The following PARD3 variants were observed in gnomAD, a reference collection of about 807,000 sequenced individuals.
PARD3 encodes the protein par-3 family cell polarity regulator.
PARD3 carries 75 observed loss-of-function variants against 155.4 expected under a neutral mutation model. The ratio of observed to expected loss-of-function variants is 0.48; its 90% CI spans 0.40 to 0.58. The LOEUF (loss-of-function observed/expected upper bound fraction) is 0.58. Ranked by LOEUF, PARD3 falls within the 20% of genes least tolerant of loss-of-function variation. The pLI, the probability that PARD3 is intolerant of heterozygous loss-of-function variation, is 0.00. For synonymous variants in PARD3, 576 were observed against 610.5 expected (o/e 0.94, Z 0.83); for missense variants, 1,642 against 1,721.7 (o/e 0.95, Z 0.82).
chr10:34,601,678 A>G (rs1267756165), intron 2 of PARD3, among the ~76,000 whole-genome samples: 1 of 152,220 alleles, frequency 6.6e-6, no homozygotes, highest in African/African-American at 2.4e-5. Flanking sequence ...TGTTTCTCCA[A>G]TCCCTGTGGC....
rs1316806227 is a variant in PARD3 at position 34,624,194 on chromosome 10, A to G, written c.222+72124T>C. ...ATGACTGCATGCGTCTCCCACGCTA[A>G]TATCTGTGACCTTGTTCTAAGCAGG... On this transcript the variant is annotated intron_variant, in intron 2 of 24. Coordinates refer to ENST00000374788, the MANE Select transcript of PARD3 (RefSeq NM_001184785.2). Among the ~76,000 whole-genome samples, 4 of 152,338 alleles carry G rather than the reference A, an allele frequency of 2.6e-5. No homozygotes were observed. The South Asian group carries it at 8.3e-4, about 32-fold the overall frequency.
intron 1 of PARD3, among the ~76,000 whole-genome samples, chr10:34,734,502 A>T (rs1397635259): frequency 6.6e-6 from 1 of 151,848 alleles, no homozygotes; most frequent in Non-Finnish European, 1.5e-5. Flanking sequence ...TGCCCGGCTA[A>T]TATTTTTTTG....
At chr10:34,663,470 A>C (rs2093377025) in intron 2 of PARD3, among the ~76,000 whole-genome samples, 1 of 152,190 alleles carries the variant, frequency 6.6e-6, no homozygotes. Context: ...CACGAAGGAT[A>C]AATGCTTGGG....
chr10:34,644,872 G>T (rs2092788820), intron 2 of PARD3, among the ~76,000 whole-genome samples: 1 of 152,134 alleles, frequency 6.6e-6, no homozygotes, highest in African/African-American at 2.4e-5. Flanking sequence ...ATTTATTTTA[G>T]AAATAGGGTC....
chr10:34,217,792 A>G (rs1209081927), intron 22 of PARD3, among the ~76,000 whole-genome samples: 7 of 152,340 alleles, frequency 4.6e-5, no homozygotes, highest in Admixed American at 2.6e-4. Flanking sequence ...TCTAGGTACT[A>G]GGAACACAAT....
intron 22 of PARD3, among the ~76,000 whole-genome samples, chr10:34,245,311 G>A (rs891735162): frequency 6.6e-6 from 1 of 152,150 alleles, no homozygotes; most frequent in Non-Finnish European, 1.5e-5. Flanking sequence ...ACGCAATATG[G>A]GATGGGAAAG....
At chr10:34,804,035 G>GTTTTTT (rs373473801) in intron 1 of PARD3, among the ~76,000 whole-genome samples, 4 of 136,894 alleles carry the variant, frequency 2.9e-5, no homozygotes, top group Non-Finnish European at 4.8e-5. Flanking sequence ...ATTTGTTTTT[G>GTTTTTT]TTTTTTTTTT....
chr10:34,345,216 T>A (rs935526071), intron 15 of PARD3: 1 of 984,176 alleles, frequency 1.0e-6, no homozygotes, highest in African/African-American at 1.7e-5. Context: ...AATGGGAAAG[T>A]GTGACTGATG....
At chr10:34,217,939 C>T (rs1952084215) in intron 22 of PARD3, among the ~76,000 whole-genome samples, 2 of 152,130 alleles carry the variant, frequency 1.3e-5, no homozygotes, top group South Asian at 4.1e-4. Context: ...TGAAGAGTGA[C>T]AGTGGGAACT....
At chr10:34,702,598 A>G (rs556994000) in intron 1 of PARD3, among the ~76,000 whole-genome samples, 1 of 152,262 alleles carries the variant, frequency 6.6e-6, no homozygotes, top group East Asian at 1.9e-4. Context: ...AGCCAAGTGA[A>G]TATTTACGTA....
chr10:34,716,954 T>A (rs2094530891), intron 1 of PARD3, among the ~76,000 whole-genome samples: 1 of 151,920 alleles, frequency 6.6e-6, no homozygotes, highest in African/African-American at 2.4e-5. Context: ...AATATCAGAT[T>A]TTTTTTTGCA....
chr10:34,164,814 A>T (rs950326326), intron 22 of PARD3, among the ~76,000 whole-genome samples: 3 of 152,180 alleles, frequency 2.0e-5, no homozygotes, highest in African/African-American at 4.8e-5. Context: ...ATACACACAT[A>T]TACAATTATT....
chr10:34,299,023 G>C (rs1028806038), intron 20 of PARD3, among the ~76,000 whole-genome samples: 6 of 152,216 alleles, frequency 3.9e-5, no homozygotes, highest in African/African-American at 1.4e-4. Context: ...TTCCCAGTGA[G>C]AGAAAATAAT....
chr10:34,514,794 T>C (rs1364385145), intron 3 of PARD3, among the ~76,000 whole-genome samples: 3 of 152,116 alleles, frequency 2.0e-5, no homozygotes, highest in African/African-American at 4.8e-5. Context: ...TTTTGTTGAG[T>C]CCAGAGGAGT....
chr10:34,399,869 T>C (rs1843711559), intron 6 of PARD3, among the ~76,000 whole-genome samples: 1 of 152,188 alleles, frequency 6.6e-6, no homozygotes, highest in Non-Finnish European at 1.5e-5. Flanking sequence ...AATAAAGATG[T>C]TGCAGCTACA....
At chr10:34,169,654 G>C (rs1024772773) in intron 22 of PARD3, among the ~76,000 whole-genome samples, 3 of 152,188 alleles carry the variant, frequency 2.0e-5, no homozygotes, top group African/African-American at 7.2e-5. Flanking sequence ...ACAGGTTAGA[G>C]AAGGAAACGA....
chr10:34,535,667 G>C (rs1297748776), intron 2 of PARD3, among the ~76,000 whole-genome samples: 1 of 151,932 alleles, frequency 6.6e-6, no homozygotes, highest in Admixed American at 6.6e-5. Flanking sequence ...GTAGAGACAG[G>C]GTTTCACCAT....
chr10:34,263,474 T>C (rs1317896479), intron 22 of PARD3, among the ~76,000 whole-genome samples: 4 of 151,824 alleles, frequency 2.6e-5, no homozygotes, highest in Non-Finnish European at 4.4e-5. Flanking sequence ...CTGGGCAACA[T>C]AGTGAGACCC....
chr10:34,805,023 A>G (rs1266118160), intron 1 of PARD3, among the ~76,000 whole-genome samples: 1 of 152,214 alleles, frequency 6.6e-6, no homozygotes, highest in Non-Finnish European at 1.5e-5. Flanking sequence ...ACCCTATAAC[A>G]TAGATTAGTT....
Sources: allele counts gnomAD v4.1 joint callset (sites outside exome capture counted in the v4.1 genomes callset), GRCh38; gene constraint gnomAD v4.1.1; transcripts MANE v1.5; gene names NCBI Gene and HGNC (gene_info 2026-07-23, HGNC 2026-07-21).